Variants in KBTBD4 observed in about 807,000 individuals in gnomAD.
KBTBD4 encodes kelch repeat and BTB domain-containing protein 4.
KBTBD4 carries 30 observed loss-of-function variants against 43.9 expected under a neutral mutation model. That is an observed-to-expected ratio of 0.68 (90% CI 0.51 to 0.93). KBTBD4 has a LOEUF of 0.93. KBTBD4 is among the 40% of genes least tolerant of loss of function. The probability of loss-of-function intolerance (pLI) is 0.00; values close to 1 mark genes in which losing one functional copy is unlikely to be tolerated. For synonymous variants in KBTBD4, 258 were observed against 256.9 expected, an observed-to-expected ratio of 1.00 and a Z score of -0.04; for missense variants, 575 against 668.8, an observed-to-expected ratio of 0.86 and a Z score of 1.55.
chr11:47,578,088 A>T, intron 1 of KBTBD4, 60 bp from the exon 2 acceptor site: 1 of 1,585,100 alleles, frequency 6.3e-7, no homozygotes, highest in Non-Finnish European at 8.6e-7. Flanking sequence ...CTGTGAATCC[A>T]ACTGTCCAAC....
intron 1 of KBTBD4, 40 bp from the exon 2 acceptor site, chr11:47,578,068 C>T (rs1380903308): frequency 6.2e-7 from 1 of 1,607,402 alleles, no homozygotes; most frequent in Non-Finnish European, 8.5e-7. Context: ...GAGGAATTCA[C>T]AGCCATAGTC....
chr11:47,573,234 G>A lies in KBTBD4; in HGVS notation c.1301C>T (p.Pro434Leu), dbSNP rs1292941496. ...AGCTGCGTGCATGCGGCCTGCAAAGGGCAGCACATAGGGCTTCACATGGCA... is the reference window on the plus strand; with the variant it reads ...AGCTGCGTGCATGCGGCCTGCAAAGAGCAGCACATAGGGCTTCACATGGCA... ...DKCHVKPYVL[P>L]FAGRMHAAVH... The change falls in exon 4 of 4, where the codon CCC (proline) becomes CTC (leucine). Residue 434 changes from proline (P) to leucine (L), a missense_variant. Physicochemically the swap from Pro to Leu is moderately conservative, Grantham distance 98. Coordinates refer to ENST00000430070, the MANE Select transcript of KBTBD4 (RefSeq NM_018095.6). This position sits in a 1 kb window ranked among gnomAD's most constrained non-coding sequence, Gnocchi z 4.1. The A allele has an allele frequency of 1.9e-6, 3 of 1,613,992 alleles. No homozygotes were observed. The African/African-American group carries it at 4.0e-5, about 22-fold the overall frequency.
At position 47,573,481 on chromosome 11, in the gene KBTBD4, C is replaced by T. The variant is rs1476695065; in HGVS notation, c.1054G>A (p.Gly352Ser). ...VPGKDAIYSL[G>S]GKTLQDTLSN... ...AGGGTATCTTGCAGTGTCTTGCCAC[C>T]CAGTGAATATATGGCATCTTTCCCG... The change falls in exon 4 of 4, where the codon GGT becomes AGT. Residue 352 changes from glycine to serine, a missense_variant. Transcript: ENST00000430070. The surrounding 1 kb of genome is among the most constrained non-coding windows in gnomAD (Gnocchi z 4.1). 1 of 1,614,146 alleles carries T rather than the reference C, an allele frequency of 6.2e-7. No individual in the cohort carries two copies. The highest frequency in any genetic ancestry group is 2.2e-5 in the East Asian group (1 of 44,882).
rs2153794643 is a variant in KBTBD4 at position 47,577,805 on chromosome 11, A to C, written c.243T>G (p.Ala81=). The change falls in exon 2 of 4, where the codon GCT becomes GCG. Residue 81 remains alanine, a synonymous_variant. Coordinates refer to ENST00000430070, the MANE Select transcript of KBTBD4 (RefSeq NM_018095.6). ...EFQLHRLVLS[A]QSCFFRSMFT... The stretch of plus-strand genomic sequence containing the variant: ...ACATGGATCGGAAGAAGCAGCTCTG[A>C]GCTGAGAGGACCAGCCGATGGAGCT... The C allele has an allele frequency of 6.2e-7, 1 of 1,614,116 alleles. No individual in the cohort carries two copies. The highest frequency in any genetic ancestry group is 1.1e-5 in the South Asian group (1 of 91,084).
Position 47,573,434 on chromosome 11 carries a change from A to C in KBTBD4, c.1101T>G (p.Tyr367Ter), listed in dbSNP as rs758977537. ...CTGTCCACACATTATCACCTACGCG[A>C]TAATAAATGACTGCGTTGGAGAGGG... ...QDTLSNAVIY[Y>*]RVGDNVWTET... The change falls in exon 4 of 4, where the codon TAT becomes TAG. Residue 367 changes from tyrosine to a stop codon, truncating the protein, a stop_gained. Coordinates refer to ENST00000430070, the MANE Select transcript of KBTBD4 (RefSeq NM_018095.6). LOFTEE classifies it high-confidence loss of function. This position sits in a 1 kb window ranked among gnomAD's most constrained non-coding sequence, Gnocchi z 4.1. 6.2e-7 allele frequency: 1 copy of C among 1,614,178 alleles called. No homozygotes were observed. Among genetic ancestry groups the C allele is most frequent in the East Asian group, 2.2e-5 (1 of 44,876 alleles).
rs1440824393 is a variant in KBTBD4 at position 47,577,721 on chromosome 11, C to T, written c.327G>A (p.Glu109=). 1 of 1,614,212 alleles carries T rather than the reference C, an allele frequency of 6.2e-7. No homozygotes were observed. The highest frequency in any genetic ancestry group is 8.5e-7 in the Non-Finnish European group (1 of 1,180,046). Residue 109 remains glutamate (E), a synonymous_variant, in exon 2 of 4, where the codon GAG becomes GAA. Transcript: ENST00000430070. ...NRVIVLQDVS[E]SVFQLLVDYI... ...AATCAACCAGGAGCTGGAAAACAGA[C>T]TCGCTGACATCCTGCAGCACAATCA...
At chr11:47,578,662 C>T (rs774759393) in intron 1 of KBTBD4, 1 of 914,676 alleles carries the variant, frequency 1.1e-6, no homozygotes, top group South Asian at 1.5e-5. Context: ...GGCCCATCAC[C>T]CTGTGCAATG....
At chr11:47,575,804 T>C (rs1235632608) in intron 2 of KBTBD4, 105 bp from the exon 3 acceptor site, 1 of 690,900 alleles carries the variant, frequency 1.4e-6, no homozygotes, top group African/African-American at 1.8e-5. Flanking sequence ...CTGCTGGGCA[T>C]GTGTATATGT....
chr11:47,576,820 G>A (rs1489370230), intron 2 of KBTBD4, among the ~76,000 whole-genome samples: 1 of 152,046 alleles, frequency 6.6e-6, no homozygotes, highest in Non-Finnish European at 1.5e-5. Flanking sequence ...GAGACTACAG[G>A]TGCAAGCCAC....
chr11:47,577,273 G>C (rs1378320640), intron 2 of KBTBD4, 138 bp downstream of exon 2: 4 of 842,074 alleles, frequency 4.8e-6, no homozygotes, highest in Admixed American at 3.0e-5. Context: ...TTCTCAGCAG[G>C]TTATCTCAGT....
At chr11:47,574,697 TACA>T (rs1256339173) in intron 3 of KBTBD4, among the ~76,000 whole-genome samples, 1 of 150,358 alleles carries the variant, frequency 6.7e-6, no homozygotes, top group Non-Finnish European at 1.5e-5. Flanking sequence ...CTACTAAAAA[TACA>T]ACAATTATCT....
chr11:47,577,762 CCTT>C lies in KBTBD4; in HGVS notation c.283_285del (p.Lys95del). 6.2e-7 allele frequency: 1 copy of C among 1,614,114 alleles called. No individual in the cohort carries two copies. Among genetic ancestry groups the C allele is most frequent in the Non-Finnish European group, 8.5e-7 (1 of 1,180,026 alleles). ...AGCACAATCACCCGGTTGTGGGCCT[CCTT>C]CAGGTTGGAAGTGAACATGGATCGG... On this transcript the variant is annotated inframe_deletion, in exon 2 of 4. Coordinates refer to ENST00000430070, the MANE Select transcript of KBTBD4 (RefSeq NM_018095.6).
In KBTBD4 at chr11:47,575,665, T is replaced by C. The variant is rs777602665; in HGVS notation, c.672A>G (p.Ala224=). 6.3e-5 allele frequency: 102 copies of C among 1,613,256 alleles called. No individual in the cohort carries two copies. Among genetic ancestry groups the C allele is most frequent in the Non-Finnish European group, 8.2e-5 (97 of 1,179,620 alleles). Residue 224 remains alanine (A), a synonymous_variant, in exon 3 of 4, where the codon GCA becomes GCG. Coordinates refer to ENST00000430070, the MANE Select transcript of KBTBD4 (RefSeq NM_018095.6). ...GVPCSQNPTE[A]IEAWINFNKE... ...TATTAAAGTTGATCCAGGCTTCTAT[T>C]GCCTCTGTTGGGTTCTGAGAACACG...
At chr11:47,574,502 C>CAAAA (rs2097255541) in intron 3 of KBTBD4, among the ~76,000 whole-genome samples, 2 of 151,664 alleles carry the variant, frequency 1.3e-5, no homozygotes, top group African/African-American at 4.9e-5. Flanking sequence ...GTCTCAAAAA[C>CAAAA]AAACAAACAA....
intron 1 of KBTBD4, 114 bp downstream of exon 1, chr11:47,578,819 T>G: frequency 1.3e-4 from 164 of 1,289,122 alleles, no homozygotes; most frequent in Non-Finnish European, 1.6e-4. Flanking sequence ...CCCCCTCCCC[T>G]CCTCTCACCC....
At chr11:47,578,318 G>A in intron 1 of KBTBD4, 1 of 577,392 alleles carries the variant, frequency 1.7e-6, no homozygotes, top group Non-Finnish European at 3.1e-6. Context: ...AAAAGACTTG[G>A]GATTTAGGTC....
intron 1 of KBTBD4, chr11:47,578,559 T>C: frequency 1.4e-6 from 1 of 699,826 alleles, no homozygotes; most frequent in Non-Finnish European, 2.6e-6. Context: ...TCTTCTGAGC[T>C]GCTTCCCCCA....
In KBTBD4 at chr11:47,572,857, T is replaced by C; in HGVS notation, c.*73A>G. The C allele has an allele frequency of 6.7e-7, 1 of 1,497,424 alleles. No homozygotes were observed. The highest frequency in any genetic ancestry group is 1.3e-5 in the South Asian group (1 of 77,380). The allele number at this position is 1,497,424 out of a possible 1,614,324, so 92.8% of individuals were successfully genotyped here. The stretch of plus-strand genomic sequence containing the variant: ...TGCCAAAAAAAACATAACTCTGAAT[T>C]GGGGCCCAGGGGACTTTGAGTTTGT... On this transcript the variant is annotated 3_prime_UTR_variant, in exon 4 of 4. Coordinates refer to ENST00000430070, the MANE Select transcript of KBTBD4 (RefSeq NM_018095.6).
At chr11:47,577,289 T>C (rs2097261464) in intron 2 of KBTBD4, 122 bp downstream of exon 2, 1 of 970,184 alleles carries the variant, frequency 1.0e-6, no homozygotes, top group Admixed American at 2.9e-5. Context: ...TCAGTAAGAA[T>C]GCAGGAATAA....
Sources: allele counts gnomAD v4.1 joint callset (sites outside exome capture counted in the v4.1 genomes callset), GRCh38; gene constraint gnomAD v4.1.1; non-coding constraint Gnocchi (gnomAD v3.1); transcripts MANE v1.5; gene names NCBI Gene and HGNC (gene_info 2026-07-23, HGNC 2026-07-21).